The following DOCK1 variants were observed in gnomAD, a reference collection of about 807,000 sequenced individuals.
The protein encoded by DOCK1 is dedicator of cytokinesis 1.
Under a neutral mutation model 262.7 loss-of-function variants are expected in DOCK1, and 138 were observed. The observed-to-expected ratio is 0.53, with a 90% CI of 0.46 to 0.61. DOCK1 has a LOEUF of 0.61. DOCK1 is among the 20% of genes least tolerant of loss of function. DOCK1 has a pLI of 0.00. For synonymous variants in DOCK1, 866 were observed against 867.4 expected, an observed-to-expected ratio of 1.00 and a Z score of 0.03; for missense variants, 1,908 against 2,370.7, an observed-to-expected ratio of 0.80 and a Z score of 4.05.
intron 1 of DOCK1, among the ~76,000 whole-genome samples, chr10:126,947,290 G>C (rs1312617473): frequency 6.9e-6 from 1 of 145,746 alleles, no homozygotes; most frequent in East Asian, 2.4e-4. Context: ...GATGGTGGTG[G>C]TTGGTAGTAT....
chr10:127,286,503 C>T lies in DOCK1; in HGVS notation c.3044+29074C>T, dbSNP rs139084451. ...AAGTAGAATAGTAGTTATACTATTA[C>T]TATTATATTATGTAGTATATACTAC... On this transcript the variant is annotated intron_variant, in intron 29 of 51. Transcript: ENST00000623213. Among the ~76,000 whole-genome samples the T allele has an allele frequency of 5.5e-4, 84 of 152,158 alleles. 1 individual carries two copies. Among genetic ancestry groups the T allele is most frequent in the Middle Eastern group, 3.4e-3 (1 of 294 alleles).
chr10:127,024,112 T>G (rs992741203), intron 14 of DOCK1, among the ~76,000 whole-genome samples: 1 of 152,172 alleles, frequency 6.6e-6, no homozygotes, highest in Non-Finnish European at 1.5e-5. Context: ...GAGGTGCCTC[T>G]TTGCACCAGT....
At chr10:127,352,275 G>A (rs1267724438) in intron 31 of DOCK1, among the ~76,000 whole-genome samples, 13 of 98,502 alleles carry the variant, frequency 1.3e-4, no homozygotes, top group African/African-American at 5.7e-4. Context: ...GAGGGGTGGG[G>A]AGGGGTGGGA....
intron 11 of DOCK1, among the ~76,000 whole-genome samples, chr10:127,009,301 G>A (rs781215088): frequency 6.6e-5 from 10 of 152,146 alleles, no homozygotes; most frequent in East Asian, 1.9e-4. Flanking sequence ...ATCTGTGTTC[G>A]TTTTTAGGCT....
intron 16 of DOCK1, among the ~76,000 whole-genome samples, chr10:127,027,656 G>A (rs2042960366): frequency 6.6e-6 from 1 of 152,162 alleles, no homozygotes; most frequent in Non-Finnish European, 1.5e-5. Context: ...CAGGCAAGGT[G>A]GAGGCTGGCC....
At chr10:126,978,013 T>C in intron 3 of DOCK1, 25 bp downstream of exon 3, 1 of 1,608,706 alleles carries the variant, frequency 6.2e-7, no homozygotes. Flanking sequence ...TTAAACACAG[T>C]GCATGTCTCT....
chr10:126,987,598 T>G lies in DOCK1; in HGVS notation c.305T>G (p.Ile102Ser). The change falls in exon 5 of 52, where the codon ATC becomes AGC. Residue 102 changes from isoleucine (I) to serine (S), a missense_variant. Coordinates refer to ENST00000623213, the MANE Select transcript of DOCK1 (RefSeq NM_001290223.2). ...ACGACACTCCGAGAGTGGTCCACCA[T>G]CTGGAGGCAGCTCTACGTGGTGAGA... The part of the protein sequence containing the change: ...VTTTLREWST[I>S]WRQLYVQDNR... 1 of 1,567,552 alleles carries G rather than the reference T, an allele frequency of 6.4e-7. No individual in the cohort carries two copies. Among genetic ancestry groups the G allele is most frequent in the Non-Finnish European group, 8.7e-7 (1 of 1,155,678 alleles).
At chr10:126,982,024 C>A (rs1287179856) in intron 4 of DOCK1, 51 bp downstream of exon 4, 1 of 1,584,378 alleles carries the variant, frequency 6.3e-7, no homozygotes, top group African/African-American at 1.3e-5. Flanking sequence ...CTATATTTGG[C>A]CTTGCTGCTC....
At chr10:126,919,362 G>C (rs2032935957) in intron 1 of DOCK1, among the ~76,000 whole-genome samples, 2 of 152,184 alleles carry the variant, frequency 1.3e-5, no homozygotes, top group Non-Finnish European at 1.5e-5. Context: ...TCTAATTGCT[G>C]TGCTTCTATT....
intron 29 of DOCK1, among the ~76,000 whole-genome samples, chr10:127,332,787 A>G (rs941119656): frequency 6.6e-6 from 1 of 152,158 alleles, no homozygotes; most frequent in African/African-American, 2.4e-5. Flanking sequence ...GTTTCTGGCC[A>G]TGTGAGTCAC....
intron 27 of DOCK1, among the ~76,000 whole-genome samples, chr10:127,164,133 C>G (rs181139544): frequency 5.3e-4 from 78 of 147,322 alleles, no homozygotes; most frequent in African/African-American, 1.8e-3. Context: ...CTCCCTTGGC[C>G]CTTTGTCTTC....
intron 46 of DOCK1, among the ~76,000 whole-genome samples, chr10:127,420,073 G>GCTT (rs1352122876): frequency 1.3e-5 from 2 of 152,324 alleles, no homozygotes; most frequent in East Asian, 3.9e-4. Context: ...GAGCCATGAA[G>GCTT]CCTTGAGCTC....
chr10:127,103,731 C>A (rs2048382047), intron 23 of DOCK1, among the ~76,000 whole-genome samples: 1 of 152,100 alleles, frequency 6.6e-6, no homozygotes, highest in African/African-American at 2.4e-5. Flanking sequence ...CACTGTATTG[C>A]TGTCCAGAGT....
At position 127,248,081 on chromosome 10, in the gene DOCK1, C is replaced by T. The variant is rs748238377; in HGVS notation, c.2921C>T (p.Thr974Ile). The T allele has an allele frequency of 9.9e-6, 16 of 1,613,910 alleles. No individual in the cohort carries two copies. The highest frequency in any genetic ancestry group is 1.4e-5 in the Non-Finnish European group (16 of 1,179,904). Reference protein sequence around the residue: ...EDYHYAHLIKTFGKMRTDVVD... With the variant: ...EDYHYAHLIKIFGKMRTDVVD... Reference sequence around the variant, plus strand: ...TACCATTATGCCCACTTGATCAAGACTTTTGGGAAAATGAGGACTGATGTG... The same window carrying T: ...TACCATTATGCCCACTTGATCAAGATTTTTGGGAAAATGAGGACTGATGTG... Residue 974 changes from threonine (T) to isoleucine (I), a missense_variant, in exon 28 of 52, where the codon ACT becomes ATT. This residue lies in a region of DOCK1 where 518 missense variants were observed against 575.1 expected (regional missense o/e 0.90). Coordinates refer to ENST00000623213, the MANE Select transcript of DOCK1 (RefSeq NM_001290223.2).
At chr10:126,959,829 T>A (rs2037056556) in intron 1 of DOCK1, among the ~76,000 whole-genome samples, 1 of 152,182 alleles carries the variant, frequency 6.6e-6, no homozygotes, top group Non-Finnish European at 1.5e-5. Context: ...TCTTTCTTTT[T>A]TTTTTGAGTC....
chr10:127,445,901 G>C (rs1449855701), intron 50 of DOCK1, among the ~76,000 whole-genome samples: 1 of 152,216 alleles, frequency 6.6e-6, no homozygotes, highest in African/African-American at 2.4e-5. Flanking sequence ...GAGTGAAATA[G>C]ATCAGTCACA....
intron 38 of DOCK1, among the ~76,000 whole-genome samples, chr10:127,394,072 G>A (rs999301927): frequency 6.6e-6 from 1 of 152,080 alleles, no homozygotes; most frequent in African/African-American, 2.4e-5. Context: ...CTTAATCCAA[G>A]TACTTGACTG....
At chr10:127,089,378 C>T (rs890414384) in intron 23 of DOCK1, among the ~76,000 whole-genome samples, 1 of 152,170 alleles carries the variant, frequency 6.6e-6, no homozygotes, top group Admixed American at 6.5e-5. Context: ...CCCCTCGGGC[C>T]TCTTGCGCCT....
intron 6 of DOCK1, among the ~76,000 whole-genome samples, chr10:126,993,992 C>T (rs1037063312): frequency 1.3e-5 from 2 of 152,308 alleles, no homozygotes; most frequent in Admixed American, 6.5e-5. Context: ...AAGATGTTCT[C>T]TAATTGAAAT....
Sources: allele counts gnomAD v4.1 joint callset (sites outside exome capture counted in the v4.1 genomes callset), GRCh38; gene constraint gnomAD v4.1.1; regional missense constraint gnomAD v4.1.1; transcripts MANE v1.5; gene names NCBI Gene and HGNC (gene_info 2026-07-23, HGNC 2026-07-21).